Variants in STK32B observed in about 807,000 individuals in gnomAD.
STK32B encodes the protein serine/threonine kinase 32B, also known as serine/threonine-protein kinase 32B.
In STK32B, 43 loss-of-function variants were observed where a neutral mutation model predicts 52.6. The observed-to-expected ratio is 0.82, with a 90% CI of 0.64 to 1.05. STK32B has a LOEUF of 1.05. Among genes scored for constraint, STK32B ranks in the 50% least tolerant of loss-of-function variants. The pLI, the probability that STK32B is intolerant of heterozygous loss-of-function variation, is 0.00. For synonymous variants in STK32B, 238 were observed against 204.3 expected, an observed-to-expected ratio of 1.17 and a Z score of -1.41; for missense variants, 621 against 534.6, an observed-to-expected ratio of 1.16 and a Z score of -1.59.
intron 3 of STK32B, among the ~76,000 whole-genome samples, chr4:5,320,994 T>C (rs1224983690): frequency 6.6e-6 from 1 of 152,174 alleles, no homozygotes; most frequent in Non-Finnish European, 1.5e-5. Context: ...AGTGCATCAC[T>C]GTAGACTCAG....
rs138130690 is a variant in STK32B, at chr4:5,417,846, A to G, written c.562+912A>G. Among the ~76,000 whole-genome samples, 1,085 of 152,318 alleles carry G rather than the reference A, an allele frequency of 7.1e-3. 7 individuals carry two copies. Among genetic ancestry groups the G allele is most frequent in the African/African-American group, 0.024 (1,003 of 41,560 alleles). ...TTTTTCCTCAGGTTTGGCTGGGCTC[A>G]CTCATGAAGACGCATTCAACTGGTA... On this transcript the variant is annotated intron_variant, in intron 6 of 11. Coordinates refer to ENST00000282908, the MANE Select transcript of STK32B (RefSeq NM_018401.3).
At chr4:5,322,025 G>A (rs1017110769) in intron 3 of STK32B, among the ~76,000 whole-genome samples, 2 of 90,924 alleles carry the variant, frequency 2.2e-5, no homozygotes, top group African/African-American at 1.6e-4. Flanking sequence ...AAAAAAAGTG[G>A]TGGGAGTGGG....
chr4:5,349,255 C>A (rs1733672939), intron 4 of STK32B, among the ~76,000 whole-genome samples: 1 of 152,202 alleles, frequency 6.6e-6, no homozygotes, highest in Admixed American at 6.5e-5. Context: ...CACTCCATCA[C>A]TGCCACCAAT....
intron 11 of STK32B, among the ~76,000 whole-genome samples, chr4:5,494,429 T>C (rs1376544175): frequency 6.6e-6 from 1 of 151,498 alleles, no homozygotes; most frequent in African/African-American, 2.5e-5. Context: ...ATTTGCTTGG[T>C]AGATTTTCCT....
At chr4:5,382,456 A>C (rs191281173) in intron 4 of STK32B, among the ~76,000 whole-genome samples, 16 of 152,132 alleles carry the variant, frequency 1.1e-4, no homozygotes, top group Admixed American at 1.0e-3. Flanking sequence ...GCATTCCTCC[A>C]AGGGCAATTG....
intron 1 of STK32B, among the ~76,000 whole-genome samples, chr4:5,077,577 C>G (rs1186172868): frequency 6.6e-6 from 1 of 152,168 alleles, no homozygotes; most frequent in East Asian, 1.9e-4. Flanking sequence ...TCCACCTCCC[C>G]AGCCCTTTTC....
Position 5,268,528 on chromosome 4 carries a change from T to A in STK32B, c.261-62692T>A, listed in dbSNP as rs189550628. ...TGATTTACTAAGCACTATTTGAAGT[T>A]GCTTGGTGTGGTGTGTGTGTGTGTG... On this transcript the variant is annotated intron_variant, in intron 3 of 11. Transcript: ENST00000282908. Among the ~76,000 whole-genome samples, 645 of 147,412 alleles carry A rather than the reference T, an allele frequency of 4.4e-3. 22 individuals are homozygous for A. The highest frequency in any genetic ancestry group is 0.041 in the Admixed American group (588 of 14,390).
intron 3 of STK32B, among the ~76,000 whole-genome samples, chr4:5,285,539 A>G (rs962073559): frequency 2.0e-5 from 3 of 152,204 alleles, no homozygotes; most frequent in African/African-American, 7.2e-5. Flanking sequence ...ACTGCACAGC[A>G]AAAGGAATTT....
At chr4:5,373,522 C>T (rs1033936751) in intron 4 of STK32B, among the ~76,000 whole-genome samples, 9 of 152,192 alleles carry the variant, frequency 5.9e-5, no homozygotes, top group East Asian at 3.8e-4. Flanking sequence ...TTCAACTGAT[C>T]GGACAAGGCC....
At chr4:5,065,074 G>T (rs1017601481) in intron 1 of STK32B, among the ~76,000 whole-genome samples, 5 of 151,784 alleles carry the variant, frequency 3.3e-5, no homozygotes, top group Admixed American at 3.3e-4. Context: ...TGAGCAATTG[G>T]ACCTCTTACT....
At chr4:5,140,168 T>G in intron 2 of STK32B, 4 of 1,461,736 alleles carry the variant, frequency 2.7e-6, no homozygotes, top group Non-Finnish European at 3.7e-6. Flanking sequence ...AGCCCTGGTT[T>G]AGGTGAATTA....
intron 3 of STK32B, among the ~76,000 whole-genome samples, chr4:5,277,057 C>T (rs1352823086): frequency 6.6e-6 from 1 of 152,226 alleles, no homozygotes; most frequent in Non-Finnish European, 1.5e-5. Context: ...GGAGTTCATT[C>T]TCCCTGACTC....
At chr4:5,498,784 A>C (rs13116133) in intron 11 of STK32B, among the ~76,000 whole-genome samples, 161 bp from the exon 12 acceptor site, 151,854 of 152,358 alleles carry the variant, frequency 1, 75,677 homozygotes, top group East Asian at 1. Context: ...CCATCTGGCT[A>C]CAGTGCACAG....
intron 3 of STK32B, among the ~76,000 whole-genome samples, chr4:5,184,964 T>C (rs76951199): frequency 0.042 from 6,358 of 152,328 alleles, 152 homozygotes; most frequent in Admixed American, 0.054. Flanking sequence ...CCTTTGAGGC[T>C]GGCCTCTGGC....
At chr4:5,342,227 G>C (rs149853801) in intron 4 of STK32B, among the ~76,000 whole-genome samples, 2,684 of 152,238 alleles carry the variant, frequency 0.018, 79 homozygotes, top group African/African-American at 0.062. Flanking sequence ...TATAAATCAT[G>C]CTACTATAAA....
At chr4:5,456,755 G>T in intron 7 of STK32B, 52 bp from the exon 8 acceptor site, 1 of 1,447,944 alleles carries the variant, frequency 6.9e-7, no homozygotes, top group Non-Finnish European at 9.4e-7. Context: ...AATGCGGACG[G>T]TGCCTTCCAA....
At chr4:5,056,486 A>G (rs898773149) in intron 1 of STK32B, among the ~76,000 whole-genome samples, 41 of 152,358 alleles carry the variant, frequency 2.7e-4, no homozygotes, top group African/African-American at 5.8e-4. Context: ...GAAGGTGTCA[A>G]TCTCATCAGC....
intron 3 of STK32B, among the ~76,000 whole-genome samples, chr4:5,285,985 A>G (rs1728516912): frequency 6.6e-6 from 1 of 152,098 alleles, no homozygotes; most frequent in South Asian, 2.1e-4. Context: ...ATCCATATAG[A>G]AAGAGGAGAT....
At chr4:5,388,974 G>A (rs1049331220) in intron 4 of STK32B, among the ~76,000 whole-genome samples, 20 of 152,090 alleles carry the variant, frequency 1.3e-4, no homozygotes, top group African/African-American at 4.8e-4. Context: ...TGTCATCCAG[G>A]CTGATGTTTG....
Sources: allele counts gnomAD v4.1 joint callset (sites outside exome capture counted in the v4.1 genomes callset), GRCh38; gene constraint gnomAD v4.1.1; transcripts MANE v1.5; gene names NCBI Gene and HGNC (gene_info 2026-07-23, HGNC 2026-07-21).